SCFD2: variants seen among roughly 807,000 people sequenced by gnomAD.
SCFD2 encodes sec1 family domain-containing protein 2.
In SCFD2, 54 loss-of-function variants were observed where a neutral mutation model predicts 58.9. The observed-to-expected ratio is 0.92, with a 90% CI of 0.74 to 1.15. SCFD2 has a LOEUF of 1.15. Among genes scored for constraint, SCFD2 ranks in the 50% most tolerant of loss-of-function variants. The pLI, the probability that SCFD2 is intolerant of heterozygous loss-of-function variation, is 0.00. For missense variants in SCFD2, 805 were observed against 836.6 expected (o/e 0.96, Z 0.47); for synonymous variants, 321 against 335.9 (o/e 0.96, Z 0.49).
chr4:53,353,745 G>A (rs1734312796), intron 1 of SCFD2, among the ~76,000 whole-genome samples: 1 of 150,770 alleles, frequency 6.6e-6, no homozygotes, highest in Non-Finnish European at 1.5e-5. Flanking sequence ...GCACTGATTG[G>A]TGCATTTACA....
intron 5 of SCFD2, among the ~76,000 whole-genome samples, chr4:52,928,545 T>C (rs541170884): frequency 1.3e-4 from 20 of 152,086 alleles, no homozygotes; most frequent in African/African-American, 3.6e-4. Flanking sequence ...CAAAGACAAA[T>C]AGGCATGCAC....
chr4:53,008,853 A>T (rs557898635), intron 5 of SCFD2, among the ~76,000 whole-genome samples: 2 of 152,330 alleles, frequency 1.3e-5, no homozygotes, highest in African/African-American at 4.8e-5. Flanking sequence ...ATTGTCTATA[A>T]TCTCACTATC....
intron 5 of SCFD2, among the ~76,000 whole-genome samples, chr4:52,961,876 C>T (rs1720860357): frequency 6.6e-6 from 1 of 152,082 alleles, no homozygotes; most frequent in African/African-American, 2.4e-5. Context: ...CTGGGATAAG[C>T]AGAAGGCAGT....
At chr4:53,330,073 C>A (rs1465717470) in intron 2 of SCFD2, among the ~76,000 whole-genome samples, 1 of 151,948 alleles carries the variant, frequency 6.6e-6, no homozygotes, top group Non-Finnish European at 1.5e-5. Flanking sequence ...CAAACAAAGC[C>A]TCCAAGAAAT....
chr4:53,054,105 C>T (rs190918143), intron 5 of SCFD2, among the ~76,000 whole-genome samples: 8 of 152,210 alleles, frequency 5.3e-5, no homozygotes, highest in Middle Eastern at 3.4e-3. Flanking sequence ...CTACCTTTTC[C>T]GGCCTCTGAT....
At chr4:53,006,436 A>G (rs1431469497) in intron 5 of SCFD2, among the ~76,000 whole-genome samples, 5 of 152,226 alleles carry the variant, frequency 3.3e-5, no homozygotes, top group African/African-American at 1.2e-4. Context: ...AATATTGCCA[A>G]TAGCAGCTAT....
rs556391714 is a variant in SCFD2 at position 53,131,784 on chromosome 4, T to C, written c.1561+13549A>G. On this transcript the variant is annotated intron_variant, in intron 5 of 8. Transcript: ENST00000401642. ...CACATGATCTCTCCAATTTGATCCATAGCTTTGTGTTCAAGAAAACTACTC... is the reference window on the plus strand; with the variant it reads ...CACATGATCTCTCCAATTTGATCCACAGCTTTGTGTTCAAGAAAACTACTC... Among the ~76,000 whole-genome samples, 6 of 152,356 alleles carry C rather than the reference T, an allele frequency of 3.9e-5. No individual in the cohort carries two copies. The South Asian group carries it at 8.3e-4, about 21-fold the overall frequency.
At chr4:53,113,209 T>C (rs1383342292) in intron 5 of SCFD2, among the ~76,000 whole-genome samples, 1 of 152,122 alleles carries the variant, frequency 6.6e-6, no homozygotes, top group Non-Finnish European at 1.5e-5. Flanking sequence ...GTGCCACTCC[T>C]CAAATATTTC....
At chr4:52,920,649 G>A (rs1043144796) in intron 6 of SCFD2, 76 bp downstream of exon 6, 31 of 1,092,528 alleles carry the variant, frequency 2.8e-5, no homozygotes, top group Non-Finnish European at 3.8e-5. Context: ...GGTTAAAAGG[G>A]AACCTTTTCT....
At chr4:53,278,920 A>T (rs969172368) in intron 3 of SCFD2, among the ~76,000 whole-genome samples, 3 of 152,030 alleles carry the variant, frequency 2.0e-5, no homozygotes, top group African/African-American at 7.2e-5. Flanking sequence ...CATTTTTAAA[A>T]TTTTTAAATT....
intron 4 of SCFD2, among the ~76,000 whole-genome samples, chr4:53,264,373 A>T (rs971093370): frequency 2.0e-5 from 3 of 152,186 alleles, no homozygotes; most frequent in Admixed American, 1.3e-4. Context: ...TCACGATGTG[A>T]ATCTCCACAC....
chr4:53,235,154 A>T (rs13140358), intron 4 of SCFD2, among the ~76,000 whole-genome samples: 31,713 of 152,156 alleles, frequency 0.21, 3,711 homozygotes, highest in Non-Finnish European at 0.28. Context: ...ACATCTACAT[A>T]GGTCTCATTT....
At position 52,984,329 on chromosome 4, in the gene SCFD2, A is replaced by C. The variant is rs541970082; in HGVS notation, c.1562-63459T>G. ...GTGAAGAATTTGAGTGTTGTCTTTA[A>C]TAGGAACTTTTTCTGCTGCTCTATA... On this transcript the variant is annotated intron_variant, in intron 5 of 8. Transcript: ENST00000401642. 7.2e-5 allele frequency among the ~76,000 whole-genome samples: 11 copies of C among 152,318 alleles called. No homozygotes were observed. The South Asian group carries it at 2.3e-3, about 32-fold the overall frequency.
At chr4:52,971,784 C>T (rs113609418) in intron 5 of SCFD2, among the ~76,000 whole-genome samples, 2 of 152,288 alleles carry the variant, frequency 1.3e-5, no homozygotes, top group African/African-American at 2.4e-5. Flanking sequence ...GGGTTACCCA[C>T]AAAGGGAAGC....
intron 5 of SCFD2, among the ~76,000 whole-genome samples, chr4:53,120,808 A>G (rs903534754): frequency 1.3e-5 from 2 of 152,214 alleles, no homozygotes; most frequent in African/African-American, 2.4e-5. Context: ...GTATCCCATC[A>G]CAAAATAAAA....
intron 5 of SCFD2, among the ~76,000 whole-genome samples, chr4:53,071,737 AAAAAT>A (rs1206762904): frequency 2.0e-5 from 3 of 152,168 alleles, no homozygotes; most frequent in Non-Finnish European, 2.9e-5. Flanking sequence ...GTTTTGTAAA[AAAAAT>A]AAAATAAAAA....
chr4:53,279,355 C>A (rs1385764816), intron 3 of SCFD2, among the ~76,000 whole-genome samples: 1 of 152,124 alleles, frequency 6.6e-6, no homozygotes, highest in Admixed American at 6.5e-5. Flanking sequence ...CTGCTGGCCT[C>A]AAGCAATCCT....
intron 4 of SCFD2, among the ~76,000 whole-genome samples, chr4:53,206,557 A>G (rs1265714087): frequency 6.6e-6 from 1 of 152,096 alleles, no homozygotes; most frequent in African/African-American, 2.4e-5. Context: ...CAAACTACTC[A>G]AGTTTTTTTA....
At chr4:52,885,408 C>T (rs1046138942) in intron 8 of SCFD2, among the ~76,000 whole-genome samples, 19 of 152,138 alleles carry the variant, frequency 1.2e-4, no homozygotes, top group Non-Finnish European at 2.2e-4. Context: ...TTCACCCCAC[C>T]GGACTCCACC....
Sources: gnomAD v4.1 joint callset for allele counts (sites outside exome capture counted in the v4.1 genomes callset) on GRCh38, gnomAD v4.1.1 for gene constraint, MANE v1.5 for transcripts, NCBI Gene and HGNC (gene_info 2026-07-23, HGNC 2026-07-21) for gene names.